Variants in CACHD1 observed in about 807,000 individuals in gnomAD.
CACHD1 encodes the protein cache domain containing 1, also known as VWFA and cache domain-containing protein 1.
In CACHD1, 71 loss-of-function variants were observed where a neutral mutation model predicts 138.7. That is an observed-to-expected ratio of 0.51 (90% CI 0.42 to 0.62). CACHD1 has a LOEUF of 0.62. Among genes scored for constraint, CACHD1 ranks in the 20% least tolerant of loss-of-function variants. The pLI is 0.00. For missense variants in CACHD1, 1,389 were observed against 1,625.3 expected (o/e 0.85, Z 2.50); for synonymous variants, 578 against 591.5 (o/e 0.98, Z 0.33).
chr1:64,587,254 AT>A lies in CACHD1; in HGVS notation c.410+4955del, dbSNP rs567165786. Among the ~76,000 whole-genome samples the A allele has an allele frequency of 1.9e-3, 289 of 152,314 alleles. 2 individuals carry two copies. The highest frequency in any genetic ancestry group is 6.4e-3 in the African/African-American group (267 of 41,564). ...TATAAGTAATTTTAACTAATGGCTAATTTTTACTTTTTGTCTCAGGCCTAAC... is the reference window on the plus strand; with the variant it reads ...TATAAGTAATTTTAACTAATGGCTAATTTTACTTTTTGTCTCAGGCCTAAC... On this transcript the variant is annotated intron_variant, in intron 3 of 26. Transcript: ENST00000651257.
intron 2 of CACHD1, among the ~76,000 whole-genome samples, chr1:64,565,232 A>G (rs578237749): frequency 9.9e-5 from 15 of 151,874 alleles, no homozygotes; most frequent in African/African-American, 3.6e-4. Flanking sequence ...TACCCAGGGA[A>G]TTTGTTCAGG....
intron 1 of CACHD1, among the ~76,000 whole-genome samples, chr1:64,528,188 A>G (rs1044606434): frequency 6.6e-6 from 1 of 152,196 alleles, no homozygotes; most frequent in Non-Finnish European, 1.5e-5. Flanking sequence ...CATATGAGTT[A>G]AGTTTGAAGA....
intron 1 of CACHD1, among the ~76,000 whole-genome samples, chr1:64,504,035 T>A (rs1025609448): frequency 2.6e-5 from 4 of 152,102 alleles, no homozygotes; most frequent in African/African-American, 7.2e-5. Context: ...GTGAAAATAT[T>A]TTTATTTTTT....
intron 1 of CACHD1, among the ~76,000 whole-genome samples, chr1:64,507,995 T>A (rs1471349098): frequency 6.6e-6 from 1 of 152,202 alleles, no homozygotes; most frequent in Non-Finnish European, 1.5e-5. Flanking sequence ...GCTCAGGGTT[T>A]CATAGGCTGT....
chr1:64,642,049 C>A, intron 8 of CACHD1, 80 bp downstream of exon 8: 2 of 1,283,566 alleles, frequency 1.6e-6, no homozygotes, highest in African/African-American at 1.5e-5. Flanking sequence ...GAAAAAGAAT[C>A]ATAACAGTGT....
chr1:64,571,916 T>TATCC (rs1198787214), intron 2 of CACHD1, among the ~76,000 whole-genome samples: 1 of 152,218 alleles, frequency 6.6e-6, no homozygotes, highest in African/African-American at 2.4e-5. Flanking sequence ...CTTTCTGACC[T>TATCC]ATCCATCCCC....
intron 25 of CACHD1, among the ~76,000 whole-genome samples, chr1:64,681,547 T>TTTTTTTTTTTTTTTG (rs1650186958): frequency 8.7e-6 from 1 of 114,504 alleles, no homozygotes; most frequent in African/African-American, 2.8e-5. Context: ...TTGTGTTTTT[T>TTTTTTTTTTTTTTTG]TTTTTTTTTT....
At chr1:64,500,453 A>G (rs1646331614) in intron 1 of CACHD1, among the ~76,000 whole-genome samples, 1 of 152,172 alleles carries the variant, frequency 6.6e-6, no homozygotes, top group African/African-American at 2.4e-5. Context: ...ATAAATATCT[A>G]TGTTCTAAAT....
At position 64,691,638 on chromosome 1, in the gene CACHD1, AC is replaced by A; in HGVS notation, c.*80del. 7.4e-7 allele frequency: 1 copy of A among 1,355,766 alleles called. No individual in the cohort carries two copies. Among genetic ancestry groups the A allele is most frequent in the Non-Finnish European group, 1.0e-6 (1 of 961,938 alleles). 84.0% of individuals were successfully genotyped at this position (1,355,766 alleles called of 1,614,324 possible). On this transcript the variant is annotated 3_prime_UTR_variant, in exon 27 of 27. Coordinates refer to ENST00000651257, the MANE Select transcript of CACHD1 (RefSeq NM_020925.4). ...TGGAAAGAAAAAGAACCGGCTTAAA[AC>A]CCACAGCAAGAGACCTCCCTTGTGT...
chr1:64,648,858 A>G (rs2100674730), intron 9 of CACHD1, among the ~76,000 whole-genome samples: 1 of 152,332 alleles, frequency 6.6e-6, no homozygotes, highest in South Asian at 2.1e-4. Flanking sequence ...TGCAATAATA[A>G]TAAAACATCT....
chr1:64,676,025 A>AC (rs1489085916), intron 21 of CACHD1, 42 bp downstream of exon 21: 30 of 502,550 alleles, frequency 6.0e-5, no homozygotes, highest in South Asian at 1.9e-4. Flanking sequence ...TAATAATAAT[A>AC]ATAATAATAA....
At chr1:64,519,010 A>C (rs937237476) in intron 1 of CACHD1, among the ~76,000 whole-genome samples, 1 of 152,102 alleles carries the variant, frequency 6.6e-6, no homozygotes, top group Non-Finnish European at 1.5e-5. Context: ...AATACCTTGA[A>C]TTTCCCTTCC....
At chr1:64,575,530 G>C (rs1226850090) in intron 2 of CACHD1, among the ~76,000 whole-genome samples, 1 of 152,156 alleles carries the variant, frequency 6.6e-6, no homozygotes, top group East Asian at 1.9e-4. Context: ...TTATTCTTTA[G>C]TGGTAAGGCT....
chr1:64,520,370 C>T (rs1646489552), intron 1 of CACHD1, among the ~76,000 whole-genome samples: 1 of 152,204 alleles, frequency 6.6e-6, no homozygotes, highest in Non-Finnish European at 1.5e-5. Context: ...CCACCTCTGA[C>T]ATTCACTTTG....
chr1:64,545,388 A>G (rs1646710781), intron 1 of CACHD1, among the ~76,000 whole-genome samples: 1 of 152,222 alleles, frequency 6.6e-6, no homozygotes, highest in Non-Finnish European at 1.5e-5. Context: ...CCCACAAAGA[A>G]TAACCACTAT....
chr1:64,513,138 C>T (rs530303813), intron 1 of CACHD1, among the ~76,000 whole-genome samples: 139 of 152,302 alleles, frequency 9.1e-4, no homozygotes, highest in Admixed American at 2.9e-3. Flanking sequence ...TTTCTGTGTT[C>T]ATCTGGGTCA....
At chr1:64,584,731 G>A (rs1346384300) in intron 3 of CACHD1, among the ~76,000 whole-genome samples, 1 of 151,990 alleles carries the variant, frequency 6.6e-6, no homozygotes, top group Non-Finnish European at 1.5e-5. Context: ...CCTAGCACCT[G>A]GCCATTGTAT....
At chr1:64,666,506 T>C (rs1482103180) in intron 16 of CACHD1, among the ~76,000 whole-genome samples, 1 of 152,136 alleles carries the variant, frequency 6.6e-6, no homozygotes, top group Non-Finnish European at 1.5e-5. Context: ...CACTTTAAAC[T>C]GATGAAAGAA....
intron 1 of CACHD1, among the ~76,000 whole-genome samples, chr1:64,508,151 T>G (rs548794372): frequency 6.6e-6 from 1 of 152,134 alleles, no homozygotes; most frequent in East Asian, 1.9e-4. Context: ...CAACCAGATT[T>G]TGTGAGAACT....
Sources: gnomAD v4.1 joint callset for allele counts (sites outside exome capture counted in the v4.1 genomes callset) on GRCh38, gnomAD v4.1.1 for gene constraint, MANE v1.5 for transcripts, NCBI Gene and HGNC (gene_info 2026-07-23, HGNC 2026-07-21) for gene names.